The following KCNAB1 variants were observed in gnomAD, a reference collection of about 807,000 sequenced individuals.
KCNAB1 encodes potassium voltage-gated channel subfamily A regulatory beta subunit 1.
In KCNAB1, 35 loss-of-function variants were observed where a neutral mutation model predicts 64.6. That is an observed-to-expected ratio of 0.54 (90% confidence interval 0.41 to 0.72). The LOEUF is 0.72. KCNAB1 is among the 30% of genes least tolerant of loss of function. The probability of loss-of-function intolerance (pLI) is 0.00; values close to 1 mark genes in which losing one functional copy is unlikely to be tolerated. For synonymous variants in KCNAB1, 177 were observed against 183.8 expected, an observed-to-expected ratio of 0.96 and a Z score of 0.30; for missense variants, 401 against 512.9, an observed-to-expected ratio of 0.78 and a Z score of 2.11.
intron 1 of KCNAB1, among the ~76,000 whole-genome samples, chr3:156,247,926 C>G (rs1435212044): frequency 2.0e-5 from 3 of 152,190 alleles, no homozygotes; most frequent in African/African-American, 7.2e-5. Context: ...TTACAGTTCT[C>G]AATTCCTTGA....
intron 1 of KCNAB1, among the ~76,000 whole-genome samples, chr3:156,202,251 C>T (rs1389295541): frequency 1.3e-5 from 2 of 152,222 alleles, no homozygotes. Context: ...GAGGAGTCTC[C>T]TCCTGCTGGG....
chr3:156,309,968 T>A (rs1231641306), intron 1 of KCNAB1, among the ~76,000 whole-genome samples: 2 of 152,220 alleles, frequency 1.3e-5, no homozygotes, highest in Non-Finnish European at 2.9e-5. Context: ...GTCCTGTGCG[T>A]TCTGTTCACA....
At chr3:156,273,687 C>T (rs915904978) in intron 1 of KCNAB1, 4 of 454,456 alleles carry the variant, frequency 8.8e-6, no homozygotes, top group African/African-American at 8.0e-5. Flanking sequence ...GTACTGTCAT[C>T]TCTCAGCTGA....
At chr3:156,148,987 G>T (rs1258681846) in intron 1 of KCNAB1, among the ~76,000 whole-genome samples, 2 of 152,030 alleles carry the variant, frequency 1.3e-5, no homozygotes, top group African/African-American at 2.4e-5. Flanking sequence ...CTCTTCAAAC[G>T]ATGTAATACG....
rs867998620 is a variant in KCNAB1 at position 156,147,957 on chromosome 3, A to G, written c.275+27071A>G. 4.5e-4 allele frequency among the ~76,000 whole-genome samples: 62 copies of G among 137,068 alleles called. No homozygotes were observed. The South Asian group carries it at 4.8e-3, about 11-fold the overall frequency. 89.9% of individuals were successfully genotyped at this position (137,068 alleles called of 152,430 possible). The stretch of plus-strand genomic sequence containing the variant: ...CATGCCAAGACACACACACACACAC[A>G]CACGCACGCACACGCACACACAAAC... On this transcript the variant is annotated intron_variant, in intron 1 of 13. Transcript: ENST00000490337.
intron 7 of KCNAB1, 24 bp downstream of exon 7, chr3:156,465,710 A>G (rs1214281803): frequency 6.9e-6 from 11 of 1,603,796 alleles, no homozygotes; most frequent in Non-Finnish European, 9.4e-6. Flanking sequence ...CTTCAATTTT[A>G]TTTTTGGTTG....
chr3:156,256,729 T>C (rs1718120582), intron 1 of KCNAB1, among the ~76,000 whole-genome samples: 1 of 152,248 alleles, frequency 6.6e-6, no homozygotes. Flanking sequence ...AATTTACTCC[T>C]CCAGATATAC....
chr3:156,238,921 T>C (rs1717009667), intron 1 of KCNAB1, among the ~76,000 whole-genome samples: 1 of 152,220 alleles, frequency 6.6e-6, no homozygotes, highest in African/African-American at 2.4e-5. Context: ...ACATAAGTCC[T>C]TGACTTGAGG....
At chr3:156,249,289 G>A (rs1039780830) in intron 1 of KCNAB1, among the ~76,000 whole-genome samples, 10 of 152,066 alleles carry the variant, frequency 6.6e-5, no homozygotes, top group African/African-American at 1.9e-4. Flanking sequence ...CAGGCTGGGC[G>A]CAGTGGCTCA....
chr3:156,405,090 G>T (rs1714160055), intron 1 of KCNAB1, among the ~76,000 whole-genome samples: 1 of 152,150 alleles, frequency 6.6e-6, no homozygotes, highest in South Asian at 2.1e-4. Flanking sequence ...TTAAAAATAT[G>T]GCAGAAGAAA....
intron 1 of KCNAB1, among the ~76,000 whole-genome samples, chr3:156,137,835 C>T (rs1206009966): frequency 2.6e-5 from 4 of 151,772 alleles, no homozygotes; most frequent in African/African-American, 9.7e-5. Context: ...GGATTACAGG[C>T]GTGAGCCACT....
chr3:156,123,067 C>T (rs1377020215), intron 1 of KCNAB1, among the ~76,000 whole-genome samples: 1 of 152,162 alleles, frequency 6.6e-6, no homozygotes, highest in African/African-American at 2.4e-5. Context: ...TTGAGAAGTC[C>T]CAGAAAATTT....
chr3:156,503,265 A>G (rs1037546733), intron 8 of KCNAB1, among the ~76,000 whole-genome samples: 1 of 152,218 alleles, frequency 6.6e-6, no homozygotes, highest in African/African-American at 2.4e-5. Flanking sequence ...GCATGTCAGC[A>G]GGCAGTGGTA....
chr3:156,219,697 TA>T lies in KCNAB1; in HGVS notation c.275+98812del, dbSNP rs1489735311. Among the ~76,000 whole-genome samples, 34 of 17,278 alleles carry T rather than the reference TA, an allele frequency of 2.0e-3. 1 individual carries two copies. Among genetic ancestry groups the T allele is most frequent in the African/African-American group, 9.2e-3 (26 of 2,834 alleles). 11.3% of individuals were successfully genotyped at this position (17,278 alleles called of 152,430 possible). ...TCAAAAGCGAAGGAAGGAATCTTTT[TA>T]TTATTATTATTATTATTATTATTAT... On this transcript the variant is annotated intron_variant, in intron 1 of 13. Coordinates refer to ENST00000490337, the MANE Select transcript of KCNAB1 (RefSeq NM_172160.3).
chr3:156,445,071 G>A (rs552901929), intron 2 of KCNAB1, among the ~76,000 whole-genome samples: 1 of 152,290 alleles, frequency 6.6e-6, no homozygotes, highest in Non-Finnish European at 1.5e-5. Flanking sequence ...GCTGCGGTGG[G>A]CGGATCACAG....
At position 156,425,802 on chromosome 3, in the gene KCNAB1, T is replaced by C. The variant is rs112789241; in HGVS notation, c.319+4143T>C. Among the ~76,000 whole-genome samples the C allele has an allele frequency of 1.7e-3, 253 of 152,310 alleles. 2 individuals are homozygous for C. Among genetic ancestry groups the C allele is most frequent in the African/African-American group, 5.8e-3 (241 of 41,562 alleles). ...ACAAACTGATAATGTATCTGACAGA[T>C]GCCGTAATGGAGAGTACAGGGCAAG... On this transcript the variant is annotated intron_variant, in intron 2 of 13. Transcript: ENST00000490337.
At chr3:156,333,631 G>A (rs1723491964) in intron 1 of KCNAB1, among the ~76,000 whole-genome samples, 2 of 152,090 alleles carry the variant, frequency 1.3e-5, no homozygotes, top group African/African-American at 2.4e-5. Flanking sequence ...ACAGCTATGA[G>A]TATATTTATA....
At chr3:156,160,814 A>T (rs3936002) in intron 1 of KCNAB1, among the ~76,000 whole-genome samples, 60 of 152,102 alleles carry the variant, frequency 3.9e-4, no homozygotes, top group Non-Finnish European at 6.5e-4. Context: ...TCTGGCTTTC[A>T]TTTTCACACG....
intron 1 of KCNAB1, among the ~76,000 whole-genome samples, chr3:156,353,838 T>C (rs1462158230): frequency 6.6e-6 from 1 of 152,166 alleles, no homozygotes; most frequent in Non-Finnish European, 1.5e-5. Context: ...AAGTGACATC[T>C]ATTATTCTTG....
Sources: allele counts gnomAD v4.1 joint callset (sites outside exome capture counted in the v4.1 genomes callset), GRCh38; gene constraint gnomAD v4.1.1; transcripts MANE v1.5; gene names NCBI Gene and HGNC (gene_info 2026-07-23, HGNC 2026-07-21).